Variants in UBE2D2 observed in about 807,000 individuals in gnomAD.
The protein encoded by UBE2D2 is ubiquitin conjugating enzyme E2 D2.
Under a neutral mutation model 24.2 loss-of-function variants are expected in UBE2D2, and 2 were observed. That is an observed-to-expected ratio of 0.08 (90% CI 0.03 to 0.26). UBE2D2 has a LOEUF of 0.26. Ranked by LOEUF, UBE2D2 falls within the 10% of genes least tolerant of loss-of-function variation. The pLI, the probability that UBE2D2 is intolerant of heterozygous loss-of-function variation, is 1.00. For missense variants in UBE2D2, 44 were observed against 177.6 expected (o/e 0.25, Z 4.28); for synonymous variants, 58 against 56.5 (o/e 1.03, Z -0.12).
At chr5:139,608,990 G>A (rs973334777) in intron 2 of UBE2D2, among the ~76,000 whole-genome samples, 1 of 151,862 alleles carries the variant, frequency 6.6e-6, no homozygotes, top group Admixed American at 6.6e-5. Flanking sequence ...AGGGAGCTGA[G>A]GCAGGAGAAT....
At position 139,625,276 on chromosome 5, in the gene UBE2D2, G is replaced by GTTT. The variant is rs535886136; in HGVS notation, c.399-1463_399-1461dup. ...ACATGCCACTACACCTGGCTAATTTGTTTTTTTTTTTTTTTTTTTGTAGAG... is the reference window on the plus strand; with the variant it reads ...ACATGCCACTACACCTGGCTAATTTGTTTTTTTTTTTTTTTTTTTTTTGTAGAG... On this transcript the variant is annotated intron_variant, in intron 6 of 6. Coordinates refer to ENST00000398733, the MANE Select transcript of UBE2D2 (RefSeq NM_003339.3). Among the ~76,000 whole-genome samples, 14 of 84,990 alleles carry GTTT rather than the reference G, an allele frequency of 1.6e-4. 1 individual carries two copies. The highest frequency in any genetic ancestry group is 2.9e-4 in the African/African-American group (6 of 20,858). The allele number at this position is 84,990 out of a possible 152,430, so 55.8% of individuals were successfully genotyped here.
intron 2 of UBE2D2, among the ~76,000 whole-genome samples, chr5:139,604,566 C>A (rs1196820486): frequency 3.3e-5 from 5 of 152,138 alleles, no homozygotes; most frequent in African/African-American, 1.2e-4. Flanking sequence ...CATCATTTGT[C>A]ATTAGGGAAA....
intron 1 of UBE2D2, among the ~76,000 whole-genome samples, chr5:139,555,201 A>G (rs900974603): frequency 1.3e-5 from 2 of 151,928 alleles, no homozygotes; most frequent in African/African-American, 4.8e-5. Context: ...ATGTGCCACC[A>G]CACCTGGCTA....
intron 1 of UBE2D2, among the ~76,000 whole-genome samples, chr5:139,527,979 G>C (rs1407800651): frequency 2.0e-5 from 3 of 152,248 alleles, no homozygotes. Context: ...CTGCATGGTA[G>C]CTCTTTTCCA....
intron 6 of UBE2D2, among the ~76,000 whole-genome samples, chr5:139,626,359 C>T (rs1489055584): frequency 1.3e-5 from 2 of 152,214 alleles, no homozygotes; most frequent in Non-Finnish European, 2.9e-5. Context: ...TGTGAGCCAA[C>T]ATGCCCAGCC....
chr5:139,595,347 GTT>G (rs1449924706), intron 1 of UBE2D2, among the ~76,000 whole-genome samples: 1 of 151,448 alleles, frequency 6.6e-6, no homozygotes, highest in African/African-American at 2.4e-5. Context: ...CCATAATTGG[GTT>G]TTCACTATTT....
At chr5:139,580,307 C>T (rs572987027) in intron 1 of UBE2D2, among the ~76,000 whole-genome samples, 9 of 152,098 alleles carry the variant, frequency 5.9e-5, no homozygotes, top group South Asian at 2.1e-4. Context: ...TCAAGTGTTA[C>T]GCCCACCTCA....
intron 1 of UBE2D2, among the ~76,000 whole-genome samples, chr5:139,595,758 A>G (rs1371211399): frequency 2.0e-5 from 3 of 152,144 alleles, no homozygotes; most frequent in African/African-American, 2.4e-5. Context: ...CAAATGGGCA[A>G]TATACACACT....
intron 2 of UBE2D2, among the ~76,000 whole-genome samples, chr5:139,601,775 G>A (rs555484776): frequency 6.6e-6 from 1 of 151,970 alleles, no homozygotes; most frequent in Non-Finnish European, 1.5e-5. Flanking sequence ...GCCAGGCATG[G>A]TGACAGGCGC....
chr5:139,548,673 A>G (rs181306689), intron 1 of UBE2D2, among the ~76,000 whole-genome samples: 5 of 152,170 alleles, frequency 3.3e-5, no homozygotes, highest in Admixed American at 2.0e-4. Context: ...CACGAACTTT[A>G]TACACACCAC....
intron 1 of UBE2D2, among the ~76,000 whole-genome samples, chr5:139,574,069 A>G (rs868495179): frequency 7.9e-5 from 12 of 151,752 alleles, no homozygotes; most frequent in Admixed American, 5.9e-4. Context: ...ATAAGCTTCG[A>G]TTAAATAACT....
intron 2 of UBE2D2, among the ~76,000 whole-genome samples, chr5:139,604,769 A>G (rs1209899081): frequency 6.6e-6 from 1 of 151,666 alleles, no homozygotes; most frequent in Admixed American, 6.6e-5. Flanking sequence ...AGTCCCACCT[A>G]CTCACAAGGC....
chr5:139,626,142 C>A (rs1238309300), intron 6 of UBE2D2, among the ~76,000 whole-genome samples: 1 of 151,892 alleles, frequency 6.6e-6, no homozygotes, highest in African/African-American at 2.4e-5. Context: ...AATCTCAGCT[C>A]ACTGCAACCT....
intron 1 of UBE2D2, among the ~76,000 whole-genome samples, chr5:139,571,174 C>T (rs993687784): frequency 3.3e-5 from 5 of 151,924 alleles, no homozygotes; most frequent in African/African-American, 9.6e-5. Context: ...TTTGGGAGGC[C>T]GAGGCGGGTG....
At chr5:139,546,227 A>G (rs1012832943) in intron 1 of UBE2D2, among the ~76,000 whole-genome samples, 1 of 151,474 alleles carries the variant, frequency 6.6e-6, no homozygotes, top group African/African-American at 2.4e-5. Context: ...TATTTGTAGT[A>G]GAGACGAGGA....
At chr5:139,533,862 A>G (rs941903557) in intron 1 of UBE2D2, among the ~76,000 whole-genome samples, 3 of 149,096 alleles carry the variant, frequency 2.0e-5, no homozygotes, top group African/African-American at 7.4e-5. Context: ...GGCTCACAGC[A>G]ACCTCCGCCT....
chr5:139,587,201 C>T (rs1404167919), intron 1 of UBE2D2, among the ~76,000 whole-genome samples: 1 of 152,160 alleles, frequency 6.6e-6, no homozygotes, highest in South Asian at 2.1e-4. Context: ...TAGGATGAAC[C>T]CAGGCACTTA....
In UBE2D2 at chr5:139,591,303, A is replaced by G. The variant is rs1753842166; in HGVS notation, c.25-9069A>G. Among the ~76,000 whole-genome samples the G allele has an allele frequency of 2.1e-5, 3 of 141,366 alleles. No homozygotes were observed. In the Admixed American group the frequency reaches 2.2e-4, roughly 10 times the overall value. 92.7% of individuals were successfully genotyped at this position (141,366 alleles called of 152,430 possible). Reference sequence around the variant, plus strand: ...GCCCAGCTAACTTTGTGTTTTTAGTAGAGACAGGGTTTCTCCATGCTGGTC... The same window carrying G: ...GCCCAGCTAACTTTGTGTTTTTAGTGGAGACAGGGTTTCTCCATGCTGGTC... On this transcript the variant is annotated intron_variant, in intron 1 of 6. Coordinates refer to ENST00000398733, the MANE Select transcript of UBE2D2 (RefSeq NM_003339.3).
chr5:139,531,138 T>A (rs1194195583), intron 1 of UBE2D2, among the ~76,000 whole-genome samples: 1 of 152,180 alleles, frequency 6.6e-6, no homozygotes, highest in East Asian at 1.9e-4. Context: ...TTATACTCAG[T>A]ACCTGTTTTA....
Sources: allele counts gnomAD v4.1 joint callset (sites outside exome capture counted in the v4.1 genomes callset), GRCh38; gene constraint gnomAD v4.1.1; transcripts MANE v1.5; gene names NCBI Gene and HGNC (gene_info 2026-07-23, HGNC 2026-07-21).